The following RBPJ variants were observed in gnomAD, a reference collection of about 807,000 sequenced individuals.
RBPJ encodes recombination signal binding protein for immunoglobulin kappa J region, also known as recombining binding protein suppressor of hairless.
RBPJ carries 9 observed loss-of-function variants against 67.8 expected under a neutral mutation model. The ratio of observed to expected loss-of-function variants is 0.13; its 90% CI spans 0.08 to 0.23. RBPJ has a LOEUF of 0.23. RBPJ is among the 10% of genes least tolerant of loss of function. The pLI is 1.00. For missense variants in RBPJ, 305 were observed against 595.6 expected (o/e 0.51, Z 5.08); for synonymous variants, 198 against 203.3 (o/e 0.97, Z 0.22).
chr4:26,401,848 C>T (rs1732845890), intron 2 of RBPJ, among the ~76,000 whole-genome samples: 1 of 150,802 alleles, frequency 6.6e-6, no homozygotes, highest in South Asian at 2.1e-4. Context: ...GGATATTGGC[C>T]TTCTCTTGGC....
the RBPJ span, among the ~76,000 whole-genome samples, chr4:26,155,859 G>T: frequency 6.6e-6 from 1 of 152,192 alleles, no homozygotes. Context: ...ACTATTGGCA[G>T]TTTGAAATTT....
chr4:26,271,840 C>G (rs1368220302), intron 1 of RBPJ, among the ~76,000 whole-genome samples: 1 of 152,336 alleles, frequency 6.6e-6, no homozygotes, highest in African/African-American at 2.4e-5. Flanking sequence ...TCATTCTGCA[C>G]AGTGTCACTG....
At chr4:26,423,070 T>C (rs1205056309) in intron 5 of RBPJ, among the ~76,000 whole-genome samples, 1 of 152,200 alleles carries the variant, frequency 6.6e-6, no homozygotes, top group African/African-American at 2.4e-5. Flanking sequence ...TGATTTCATT[T>C]ATTTGGTATA....
At chr4:26,269,790 G>T (rs1241261688) in intron 1 of RBPJ, among the ~76,000 whole-genome samples, 7 of 152,154 alleles carry the variant, frequency 4.6e-5, no homozygotes, top group African/African-American at 1.7e-4. Flanking sequence ...GGAAGGGAGT[G>T]AAGGGGGAGG....
chr4:26,381,542 G>A (rs1338898141), intron 1 of RBPJ, among the ~76,000 whole-genome samples: 8 of 152,114 alleles, frequency 5.3e-5, no homozygotes, highest in African/African-American at 1.9e-4. Context: ...TCTTAGAAGA[G>A]GAAAGCTAGT....
At chr4:26,127,373 A>G in the RBPJ span, among the ~76,000 whole-genome samples, 1 of 152,174 alleles carries the variant, frequency 6.6e-6, no homozygotes, top group Admixed American at 6.5e-5. Context: ...AAGGTCACCA[A>G]CCATATGGAG....
At chr4:26,163,514 A>C (rs1270156343) in exon 1 of RBPJ, 2 of 152,086 alleles carry the variant, frequency 1.3e-5, no homozygotes, top group Non-Finnish European at 1.5e-5. Context: ...GATTGGGTGG[A>C]AGGGGCTCTT....
chr4:26,427,692 A>C (rs1735814040), intron 7 of RBPJ, among the ~76,000 whole-genome samples: 1 of 152,162 alleles, frequency 6.6e-6, no homozygotes, highest in Non-Finnish European at 1.5e-5. Context: ...TTGAGATAAA[A>C]GGTTGGAGAG....
At chr4:26,230,265 A>T (rs1719231383) in intron 1 of RBPJ, among the ~76,000 whole-genome samples, 2 of 152,108 alleles carry the variant, frequency 1.3e-5, no homozygotes, top group Non-Finnish European at 2.9e-5. Context: ...GAAAACACCC[A>T]GGTTGACTGA....
At chr4:26,206,803 G>A (rs1352982559) in intron 1 of RBPJ, among the ~76,000 whole-genome samples, 2 of 148,376 alleles carry the variant, frequency 1.3e-5, no homozygotes, top group Non-Finnish European at 3.0e-5. Flanking sequence ...ACGGGTTTTC[G>A]CAGTCACTAC....
intron 1 of RBPJ, among the ~76,000 whole-genome samples, chr4:26,368,553 C>G (rs1011616310): frequency 5.3e-5 from 8 of 152,148 alleles, no homozygotes; most frequent in Admixed American, 3.9e-4. Context: ...TGCATGATAG[C>G]AGCGTGTATT....
chr4:26,394,260 C>G (rs1731869255), intron 2 of RBPJ, among the ~76,000 whole-genome samples: 1 of 152,068 alleles, frequency 6.6e-6, no homozygotes. Context: ...ATCTCCTGAC[C>G]ACGTGATCCG....
chr4:26,176,101 G>T (rs573678971), intron 1 of RBPJ, among the ~76,000 whole-genome samples: 1 of 152,334 alleles, frequency 6.6e-6, no homozygotes, highest in Admixed American at 6.5e-5. Context: ...ATTTTTTAGT[G>T]TAAGAATGTC....
intron 4 of RBPJ, among the ~76,000 whole-genome samples, chr4:26,417,424 T>C (rs942142171): frequency 2.0e-5 from 3 of 152,152 alleles, no homozygotes; most frequent in Admixed American, 2.0e-4. Context: ...AGTATACCCT[T>C]TCCCCAAGGC....
At chr4:26,169,800 C>T (rs1262718524) in intron 1 of RBPJ, among the ~76,000 whole-genome samples, 5 of 152,292 alleles carry the variant, frequency 3.3e-5, no homozygotes, top group African/African-American at 7.2e-5. Flanking sequence ...CCCCCAGCCT[C>T]GCTGCCGCCT....
In RBPJ at chr4:26,415,463, A is replaced by G; in HGVS notation, c.156-12A>G. On this transcript the variant is annotated splice_polypyrimidine_tract_variant and intron_variant, in intron 3 of 10. Transcript: ENST00000355476. Reference sequence around the variant, plus strand: ...TGCTTCTTGTTTTTTTTTTTCCCCTATTATTCTTCAGGTTTTTTTGCCCAC... The same window carrying G: ...TGCTTCTTGTTTTTTTTTTTCCCCTGTTATTCTTCAGGTTTTTTTGCCCAC... The G allele has an allele frequency of 6.4e-7, 1 of 1,557,736 alleles. No homozygotes were observed. The highest frequency in any genetic ancestry group is 8.6e-7 in the Non-Finnish European group (1 of 1,157,454).
At chr4:26,378,095 G>A (rs752358046) in intron 1 of RBPJ, among the ~76,000 whole-genome samples, 3 of 151,928 alleles carry the variant, frequency 2.0e-5, no homozygotes, top group Non-Finnish European at 4.4e-5. Flanking sequence ...CTTTAATCTG[G>A]GCCAGTTCCT....
At chr4:26,427,116 T>G (rs1735755273) in intron 7 of RBPJ, among the ~76,000 whole-genome samples, 1 of 152,150 alleles carries the variant, frequency 6.6e-6, no homozygotes, top group African/African-American at 2.4e-5. Flanking sequence ...TGATGCTATC[T>G]TAGACCCAGG....
intron 1 of RBPJ, among the ~76,000 whole-genome samples, chr4:26,185,744 G>C (rs1717223269): frequency 6.6e-6 from 1 of 152,122 alleles, no homozygotes; most frequent in African/African-American, 2.4e-5. Context: ...CTATTTGTAA[G>C]CCAGGCAAAG....
Sources: gnomAD v4.1 joint callset for allele counts (sites outside exome capture counted in the v4.1 genomes callset) on GRCh38, gnomAD v4.1.1 for gene constraint, MANE v1.5 for transcripts, NCBI Gene and HGNC (gene_info 2026-07-23, HGNC 2026-07-21) for gene names.